The following FGL1 variants were observed in gnomAD, a reference collection of about 807,000 sequenced individuals.
The protein encoded by FGL1 is fibrinogen-like protein 1.
FGL1 carries 59 observed loss-of-function variants against 43.7 expected under a neutral mutation model. The observed-to-expected ratio is 1.35, with a 90% confidence interval of 1.10 to 1.68. FGL1 has a LOEUF of 1.68. Among genes scored for constraint, FGL1 ranks in the 40% most tolerant of loss-of-function variants. FGL1 has a pLI of 0.00. For missense variants in FGL1, 596 were observed against 373.0 expected, an observed-to-expected ratio of 1.60 and a Z score of -4.92; for synonymous variants, 192 against 126.5, an observed-to-expected ratio of 1.52 and a Z score of -3.48.
upstream of FGL1, chr8:17,895,526 G>A (rs1459483744): frequency 2.3e-6 from 3 of 1,286,660 alleles, no homozygotes; most frequent in East Asian, 5.6e-5. Context: ...AACTGCATTG[G>A]GAATTTGTAA....
At chr8:17,873,336 T>C (rs773332116) in intron 5 of FGL1, among the ~76,000 whole-genome samples, 5 of 152,098 alleles carry the variant, frequency 3.3e-5, no homozygotes, top group Admixed American at 6.6e-5. Context: ...GCTAGCTAGC[T>C]GGAAGATGAG....
intron 3 of FGL1, among the ~76,000 whole-genome samples, chr8:17,881,727 G>T (rs553082578): frequency 2.6e-5 from 4 of 151,192 alleles, no homozygotes; most frequent in Non-Finnish European, 5.9e-5. Context: ...CCAGCTACTC[G>T]GGAGACTGAG....
chr8:17,875,534 T>C (rs1370195074), intron 3 of FGL1, among the ~76,000 whole-genome samples: 216 of 9,288 alleles, frequency 0.023, 9 homozygotes, highest in African/African-American at 0.045. Context: ...TTTCTTTCTT[T>C]CTCTTTCTTT....
rs144182167 is a variant in FGL1, at chr8:17,865,858, G to A, written c.780-1107C>T. Among the ~76,000 whole-genome samples, 3 of 151,388 alleles carry A rather than the reference G, an allele frequency of 2.0e-5. No homozygotes were observed. In the East Asian group the frequency reaches 5.8e-4, roughly 29 times the overall value. On this transcript the variant is annotated intron_variant, in intron 7 of 7. Coordinates refer to ENST00000427924, the MANE Select transcript of FGL1 (RefSeq NM_004467.4). ...AAAAGCATATAATCTACCCGTAAAGGCTGAGTGGCTGGCTTGAATCACTTA... is the reference window on the plus strand; with the variant it reads ...AAAAGCATATAATCTACCCGTAAAGACTGAGTGGCTGGCTTGAATCACTTA...
At chr8:17,875,419 T>G (rs2053429485) in intron 3 of FGL1, among the ~76,000 whole-genome samples, 1 of 152,208 alleles carries the variant, frequency 6.6e-6, no homozygotes, top group Non-Finnish European at 1.5e-5. Flanking sequence ...TCTTTTTTGC[T>G]GTGGTATTTC....
Position 17,864,456 on chromosome 8 carries a change from C to G in FGL1, c.*136G>C. ...GCTGTACTGAAAGCACATTAAGTAA[C>G]AAAGGCAAGTGAGAAGAATGAAAAG... On this transcript the variant is annotated 3_prime_UTR_variant, in exon 8 of 8. Transcript: ENST00000427924. 1.1e-6 allele frequency: 1 copy of G among 895,692 alleles called. No individual in the cohort carries two copies. The highest frequency in any genetic ancestry group is 1.6e-6 in the Non-Finnish European group (1 of 612,574). 55.5% of individuals were successfully genotyped at this position (895,692 alleles called of 1,614,324 possible).
chr8:17,873,327 C>T (rs2053393450), intron 5 of FGL1, among the ~76,000 whole-genome samples: 1 of 152,116 alleles, frequency 6.6e-6, no homozygotes, highest in African/African-American at 2.4e-5. Context: ...CAAGTCCAGG[C>T]TAGCTAGCTG....
chr8:17,882,809 TATATAATATATCATATATAATATATTAA>T (rs2053559059), intron 2 of FGL1: 6 of 118,668 alleles, frequency 5.1e-5, no homozygotes, highest in African/African-American at 2.0e-4. Context: ...TATTAAACAA[TATATAATATATCATATATAATATATTAA>T]ATAATATATA....
intron 7 of FGL1, 63 bp downstream of exon 7, chr8:17,868,484 TA>T: frequency 8.2e-7 from 1 of 1,215,824 alleles, no homozygotes; most frequent in Non-Finnish European, 1.1e-6. Context: ...ATTATATTGA[TA>T]ATTAATGTCT....
rs867965671 is a variant in FGL1 at position 17,871,504 on chromosome 8, A to C, written c.503-2500T>G. ...AAAAATCTGTCTCAAAAAAAAAAACAAAAAAAAAAAACTTCTATTATAACA... is the reference window on the plus strand; with the variant it reads ...AAAAATCTGTCTCAAAAAAAAAAACCAAAAAAAAAAACTTCTATTATAACA... On this transcript the variant is annotated intron_variant, in intron 5 of 7. Coordinates refer to ENST00000427924, the MANE Select transcript of FGL1 (RefSeq NM_004467.4). Among the ~76,000 whole-genome samples the C allele has an allele frequency of 1.1e-3, 149 of 135,120 alleles. 1 individual carries two copies. In the East Asian group the frequency reaches 0.015, roughly 14 times the overall value. 88.6% of individuals were successfully genotyped at this position (135,120 alleles called of 152,430 possible). A position where few individuals can be genotyped will look rare whatever the true frequency, so the allele number is the denominator to read the frequency against.
chr8:17,894,080 T>C (rs1463225692), intron 1 of FGL1, among the ~76,000 whole-genome samples: 1 of 147,004 alleles, frequency 6.8e-6, no homozygotes, highest in East Asian at 1.9e-4. Context: ...TTACGCTGCA[T>C]TAAATTTAAA....
At chr8:17,878,517 A>G (rs1052048191) in intron 3 of FGL1, among the ~76,000 whole-genome samples, 2 of 152,180 alleles carry the variant, frequency 1.3e-5, no homozygotes, top group African/African-American at 4.8e-5. Flanking sequence ...GGTGTTGTCA[A>G]GTGAACGGCG....
intron 1 of FGL1, chr8:17,895,102 CA>C (rs2053755809): frequency 4.9e-6 from 1 of 202,114 alleles, no homozygotes; most frequent in Admixed American, 6.5e-5. Context: ...TAAAGCATTT[CA>C]AAATGTAATT....
At position 17,874,016 on chromosome 8, in the gene FGL1, T is replaced by C; in HGVS notation, c.502+3A>G. On this transcript the variant is annotated splice_donor_region_variant and intron_variant, in intron 5 of 7. Transcript: ENST00000427924. Reference sequence around the variant, plus strand: ...AATAAATCTGACATCATTCAAACCTTACCTTGAGTGGTCAAGAAGTGAAGA... The same window carrying C: ...AATAAATCTGACATCATTCAAACCTCACCTTGAGTGGTCAAGAAGTGAAGA... The C allele has an allele frequency of 3.1e-6, 5 of 1,592,616 alleles. No individual in the cohort carries two copies. Among genetic ancestry groups the C allele is most frequent in the Non-Finnish European group, 4.3e-6 (5 of 1,172,448 alleles).
chr8:17,872,177 A>C (rs1428610784), intron 5 of FGL1, among the ~76,000 whole-genome samples: 1 of 152,094 alleles, frequency 6.6e-6, no homozygotes, highest in Non-Finnish European at 1.5e-5. Context: ...CATCCTGTCT[A>C]ATGTTTATCA....
At chr8:17,882,315 G>A in intron 2 of FGL1, 136 bp from the exon 3 acceptor site, 2 of 830,498 alleles carry the variant, frequency 2.4e-6, no homozygotes, top group Non-Finnish European at 3.5e-6. Flanking sequence ...AAGAGAAAGT[G>A]GCTTGAAAAG....
intron 1 of FGL1, chr8:17,891,808 C>A (rs35522859): frequency 2.0e-6 from 2 of 983,494 alleles, no homozygotes; most frequent in African/African-American, 3.5e-5. Context: ...CATCTTCACC[C>A]TTCCAGCAAC....
chr8:17,864,496 G>A lies in FGL1; in HGVS notation c.*96C>T. On this transcript the variant is annotated 3_prime_UTR_variant, in exon 8 of 8. Transcript: ENST00000427924. Reference sequence around the variant, plus strand: ...AGAATGAAAAGCACTACTCACAACAGTTATCATGATTGCGCATGGATATGT... The same window carrying A: ...AGAATGAAAAGCACTACTCACAACAATTATCATGATTGCGCATGGATATGT... 1.5e-6 allele frequency: 2 copies of A among 1,341,838 alleles called. No homozygotes were observed. Among genetic ancestry groups the A allele is most frequent in the African/African-American group, 3.0e-5 (2 of 67,354 alleles). The allele number at this position is 1,341,838 out of a possible 1,614,324, so 83.1% of individuals were successfully genotyped here. A position where few individuals can be genotyped will look rare whatever the true frequency, so the allele number is the denominator to read the frequency against.
intron 3 of FGL1, among the ~76,000 whole-genome samples, chr8:17,877,173 A>C (rs1386229512): frequency 6.6e-6 from 1 of 152,026 alleles, no homozygotes; most frequent in Non-Finnish European, 1.5e-5. Context: ...GACCCACTCA[A>C]CTCCCTGGAG....
Sources: gnomAD v4.1 joint callset for allele counts (sites outside exome capture counted in the v4.1 genomes callset) on GRCh38, gnomAD v4.1.1 for gene constraint, MANE v1.5 for transcripts, NCBI Gene and HGNC (gene_info 2026-07-23, HGNC 2026-07-21) for gene names.